The following SLC9A9 variants were observed in gnomAD, a reference collection of about 807,000 sequenced individuals.
SLC9A9 encodes solute carrier family 9 member A9, also known as sodium/hydrogen exchanger 9.
A neutral mutation model predicts 77.8 loss-of-function variants in SLC9A9; 62 were observed. The observed-to-expected ratio is 0.80, with a 90% CI of 0.65 to 0.98. The LOEUF (loss-of-function observed/expected upper bound fraction) is 0.98, where lower values mean the gene tolerates loss of function less well. Among genes scored for constraint, SLC9A9 ranks in the 50% least tolerant of loss-of-function variants. The pLI, the probability that SLC9A9 is intolerant of heterozygous loss-of-function variation, is 0.00. For missense variants in SLC9A9, 775 were observed against 774.9 expected (o/e 1.00, Z 0.00); for synonymous variants, 320 against 283.5 (o/e 1.13, Z -1.29).
intron 4 of SLC9A9, among the ~76,000 whole-genome samples, chr3:143,724,287 G>A (rs1300435449): frequency 6.6e-6 from 1 of 152,186 alleles, no homozygotes; most frequent in Non-Finnish European, 1.5e-5. Context: ...ACCATGTCAA[G>A]AAGTTCTCTG....
chr3:143,313,658 C>T (rs17574746), intron 14 of SLC9A9, among the ~76,000 whole-genome samples: 24,981 of 152,178 alleles, frequency 0.16, 2,297 homozygotes, highest in Admixed American at 0.24. Context: ...TACCATGTCC[C>T]GAGAGCGGTG....
intron 14 of SLC9A9, among the ~76,000 whole-genome samples, chr3:143,322,573 C>T (rs1025559716): frequency 3.3e-5 from 5 of 152,166 alleles, no homozygotes; most frequent in African/African-American, 1.2e-4. Context: ...GGTTCTGTTT[C>T]TCTGGAGAAA....
At chr3:143,632,704 T>G (rs1386391827) in intron 6 of SLC9A9, among the ~76,000 whole-genome samples, 1 of 152,346 alleles carries the variant, frequency 6.6e-6, no homozygotes, top group East Asian at 1.9e-4. Flanking sequence ...ATATAAATGA[T>G]AAATTTGAGG....
intron 4 of SLC9A9, among the ~76,000 whole-genome samples, chr3:143,746,401 C>G (rs1321773926): frequency 6.6e-6 from 1 of 152,144 alleles, no homozygotes. Context: ...AATCATAACC[C>G]TCACACAGCA....
rs79844263 is a variant in SLC9A9 at position 143,647,106 on chromosome 3, C to A, written c.755+5149G>T. Among the ~76,000 whole-genome samples, 106 of 152,236 alleles carry A rather than the reference C, an allele frequency of 7.0e-4. 1 individual carries two copies. Among genetic ancestry groups the A allele is most frequent in the African/African-American group, 2.3e-3 (96 of 41,544 alleles). On this transcript the variant is annotated intron_variant, in intron 6 of 15. Transcript: ENST00000316549. The stretch of plus-strand genomic sequence containing the variant: ...AACATTTAATGTGTATTGAGCATGA[C>A]CCACCAGGCCCTGATTTAGGTGTTT...
chr3:143,579,196 A>T (rs2037414148), intron 6 of SLC9A9, among the ~76,000 whole-genome samples: 1 of 152,190 alleles, frequency 6.6e-6, no homozygotes, highest in Admixed American at 6.5e-5. Flanking sequence ...CTTGTCATAA[A>T]CCACAAAGCA....
rs1224111974 is a variant in SLC9A9 at position 143,640,023 on chromosome 3, T to C, written c.755+12232A>G. Among the ~76,000 whole-genome samples, 7 of 27,856 alleles carry C rather than the reference T, an allele frequency of 2.5e-4. No individual in the cohort carries two copies. In the East Asian group the frequency reaches 4.9e-3, roughly 19 times the overall value. The allele number at this position is 27,856 out of a possible 152,430, so 18.3% of individuals were successfully genotyped here. A position where few individuals can be genotyped will look rare whatever the true frequency, so the allele number is the denominator to read the frequency against. ...GTAATTCCTTTCTTTTTTTTTCTTT[T>C]TTTTTTTTTTTTTTTTGAGATGGAG... On this transcript the variant is annotated intron_variant, in intron 6 of 15. Transcript: ENST00000316549.
intron 4 of SLC9A9, among the ~76,000 whole-genome samples, chr3:143,767,178 G>A (rs1322615985): frequency 1.3e-5 from 2 of 152,106 alleles, no homozygotes; most frequent in Non-Finnish European, 2.9e-5. Flanking sequence ...AAACAACTGA[G>A]GTTGGACTAG....
At chr3:143,456,223 C>T (rs551461002) in intron 12 of SLC9A9, among the ~76,000 whole-genome samples, 119 of 152,204 alleles carry the variant, frequency 7.8e-4, no homozygotes, top group Non-Finnish European at 1.1e-3. Flanking sequence ...ACCTACTAAA[C>T]CAGACTTGCA....
intron 12 of SLC9A9, among the ~76,000 whole-genome samples, chr3:143,431,432 T>C (rs1241446303): frequency 6.6e-6 from 1 of 152,058 alleles, no homozygotes; most frequent in Non-Finnish European, 1.5e-5. Context: ...TTCTTTCAAA[T>C]TGCCAGTTAG....
chr3:143,339,323 A>G (rs1350037610), intron 14 of SLC9A9, among the ~76,000 whole-genome samples: 1 of 152,140 alleles, frequency 6.6e-6, no homozygotes, highest in Non-Finnish European at 1.5e-5. Context: ...AATGTCTGTC[A>G]TCTTTTTCTT....
chr3:143,560,430 C>CT (rs990836738), intron 8 of SLC9A9, among the ~76,000 whole-genome samples: 114 of 151,634 alleles, frequency 7.5e-4, no homozygotes, highest in African/African-American at 2.5e-3. Context: ...TTTTGTTACC[C>CT]TTTTTTTTGG....
At chr3:143,763,347 T>C (rs1257124137) in intron 4 of SLC9A9, among the ~76,000 whole-genome samples, 1 of 152,186 alleles carries the variant, frequency 6.6e-6, no homozygotes, top group Non-Finnish European at 1.5e-5. Flanking sequence ...CATCTTGACT[T>C]TATCTTATTT....
chr3:143,386,362 G>T (rs545387159), intron 12 of SLC9A9, among the ~76,000 whole-genome samples: 1 of 152,264 alleles, frequency 6.6e-6, no homozygotes, highest in East Asian at 1.9e-4. Flanking sequence ...GTTGTTCAAG[G>T]GTCAGTGAAA....
At chr3:143,844,833 A>G (rs370001972) in intron 1 of SLC9A9, among the ~76,000 whole-genome samples, 58 of 150,552 alleles carry the variant, frequency 3.9e-4, no homozygotes, top group African/African-American at 1.4e-3. Flanking sequence ...TGAAGGCTGG[A>G]GTGAAGTGGC....
intron 2 of SLC9A9, among the ~76,000 whole-genome samples, chr3:143,810,879 A>T (rs2108871668): frequency 6.6e-6 from 1 of 152,384 alleles, no homozygotes; most frequent in South Asian, 2.1e-4. Context: ...GACGCTGTAT[A>T]ATTGCATCTA....
chr3:143,378,443 T>A (rs1576458457), intron 13 of SLC9A9, among the ~76,000 whole-genome samples: 1 of 152,318 alleles, frequency 6.6e-6, no homozygotes, highest in East Asian at 1.9e-4. Context: ...CTCAGGGTTA[T>A]CTTGGAAATT....
intron 14 of SLC9A9, among the ~76,000 whole-genome samples, chr3:143,309,583 G>C (rs371008762): frequency 6.6e-6 from 1 of 152,066 alleles, no homozygotes; most frequent in Non-Finnish European, 1.5e-5. Context: ...GTTGAGTGTA[G>C]GATTTCCAGA....
chr3:143,774,014 A>G (rs2007613986), intron 4 of SLC9A9, among the ~76,000 whole-genome samples: 1 of 152,240 alleles, frequency 6.6e-6, no homozygotes, highest in Non-Finnish European at 1.5e-5. Context: ...TGCAAATGCA[A>G]TAACAGATGT....
Sources: gnomAD v4.1 joint callset for allele counts (sites outside exome capture counted in the v4.1 genomes callset) on GRCh38, gnomAD v4.1.1 for gene constraint, MANE v1.5 for transcripts, NCBI Gene and HGNC (gene_info 2026-07-23, HGNC 2026-07-21) for gene names.